CCNB2: variants seen among roughly 807,000 people sequenced by gnomAD.
The protein encoded by CCNB2 is cyclin B2, also known as G2/mitotic-specific cyclin-B2.
A neutral mutation model predicts 51.1 loss-of-function variants in CCNB2; 39 were observed. The ratio of observed to expected loss-of-function variants is 0.76; its 90% CI spans 0.59 to 1.00. CCNB2 has a LOEUF of 1.00. CCNB2 is among the 50% of genes least tolerant of loss of function. CCNB2 has a pLI of 0.00. For missense variants in CCNB2, 472 were observed against 470.3 expected (o/e 1.00, Z -0.03); for synonymous variants, 174 against 165.5 (o/e 1.05, Z -0.40).
Position 59,116,928 on chromosome 15 carries a change from T to C in CCNB2, c.834+2T>C. On this transcript the variant is annotated splice_donor_variant, in intron 6 of 8. Coordinates refer to ENST00000288207, the MANE Select transcript of CCNB2 (RefSeq NM_004701.4). LOFTEE classifies it high-confidence loss of function. Reference sequence around the variant, plus strand: ...AGGCGAGCATCAAAAGCCGGGGAGGTAAGTGCCTCCAGCTCTGTAAGAGAC... The same window carrying C: ...AGGCGAGCATCAAAAGCCGGGGAGGCAAGTGCCTCCAGCTCTGTAAGAGAC... The C allele has an allele frequency of 6.2e-7, 1 of 1,606,024 alleles. No homozygotes were observed. Among genetic ancestry groups the C allele is most frequent in the Non-Finnish European group, 8.5e-7 (1 of 1,172,820 alleles).
intron 3 of CCNB2, among the ~76,000 whole-genome samples, chr15:59,108,214 T>G (rs1453741673): frequency 6.6e-6 from 1 of 152,180 alleles, no homozygotes; most frequent in Admixed American, 6.5e-5. Context: ...AATCATGTCC[T>G]TTCGTTAAGG....
At chr15:59,105,364 C>T in intron 1 of CCNB2, 72 bp downstream of exon 1, 1 of 1,475,198 alleles carries the variant, frequency 6.8e-7, no homozygotes, top group South Asian at 1.2e-5. Context: ...CTTCTCTCAT[C>T]TGCTCCGAGC....
chr15:59,114,314 C>G (rs1381222904), intron 3 of CCNB2, 130 bp from the exon 4 acceptor site: 1 of 632,908 alleles, frequency 1.6e-6, no homozygotes, highest in Non-Finnish European at 2.7e-6. Context: ...TTATTCACCT[C>G]TTGGTATGAA....
At chr15:59,121,852 A>G (rs544860291) in intron 7 of CCNB2, among the ~76,000 whole-genome samples, 15 of 150,886 alleles carry the variant, frequency 9.9e-5, no homozygotes, top group African/African-American at 3.7e-4. Flanking sequence ...GAATTGCCTA[A>G]ACCCGGAAGG....
intron 3 of CCNB2, among the ~76,000 whole-genome samples, chr15:59,111,936 T>A (rs1291417127): frequency 6.6e-6 from 1 of 151,732 alleles, no homozygotes; most frequent in Non-Finnish European, 1.5e-5. Context: ...CACTGCAGTT[T>A]TGATCTCCTG....
chr15:59,106,825 A>C (rs955937008), intron 1 of CCNB2, among the ~76,000 whole-genome samples: 1 of 152,256 alleles, frequency 6.6e-6, no homozygotes. Context: ...ATGGCATAAG[A>C]ATCAAAGCTA....
chr15:59,105,440 C>A, intron 1 of CCNB2, 148 bp downstream of exon 1: 2 of 956,366 alleles, frequency 2.1e-6, no homozygotes, highest in Non-Finnish European at 3.1e-6. Context: ...GCGTCCCTGG[C>A]CCTGCGGCCG....
Position 59,124,837 on chromosome 15 carries a change from C to G in CCNB2, c.1157C>G (p.Ala386Gly). The G allele has an allele frequency of 6.2e-7, 1 of 1,607,032 alleles. No individual in the cohort carries two copies. The highest frequency in any genetic ancestry group is 8.5e-7 in the Non-Finnish European group (1 of 1,176,678). Reference sequence around the variant, plus strand: ...ATGATCCCTCAGCTGAACTCAAAAGCCGTCAAAGACCTTGCCTCCCCACTG... The same window carrying G: ...ATGATCCCTCAGCTGAACTCAAAAGGCGTCAAAGACCTTGCCTCCCCACTG... ...ISMIPQLNSK[A>G]VKDLASPLIG... Residue 386 changes from alanine to glycine, a missense_variant, in exon 9 of 9, where the codon GCC (alanine) becomes GGC (glycine). Coordinates refer to ENST00000288207, the MANE Select transcript of CCNB2 (RefSeq NM_004701.4).
At chr15:59,120,625 A>G (rs1196195189) in intron 7 of CCNB2, among the ~76,000 whole-genome samples, 1 of 152,224 alleles carries the variant, frequency 6.6e-6, no homozygotes, top group Non-Finnish European at 1.5e-5. Flanking sequence ...ATTTTTAAAA[A>G]TCAGAATACC....
At chr15:59,119,475 AAAC>A (rs1453866673) in intron 7 of CCNB2, among the ~76,000 whole-genome samples, 4,960 of 150,668 alleles carry the variant, frequency 0.033, 209 homozygotes, top group African/African-American at 0.088. Flanking sequence ...AAAAAAAAAA[AAAC>A]AAATCTGTAA....
chr15:59,105,246 C>T lies in CCNB2; in HGVS notation c.-23C>T. The T allele has an allele frequency of 6.4e-7, 1 of 1,560,666 alleles. No individual in the cohort carries two copies. The highest frequency in any genetic ancestry group is 8.7e-7 in the Non-Finnish European group (1 of 1,154,394). ...CGCGTCCCTCCCTGGGCCGGGCTGG[C>T]ACTCTTGCCTTCCCCGTCCCTCATG... On this transcript the variant is annotated 5_prime_UTR_variant, in exon 1 of 9. Coordinates refer to ENST00000288207, the MANE Select transcript of CCNB2 (RefSeq NM_004701.4).
intron 3 of CCNB2, among the ~76,000 whole-genome samples, chr15:59,111,084 TC>T (rs1194617244): frequency 6.6e-6 from 1 of 152,234 alleles, no homozygotes; most frequent in African/African-American, 2.4e-5. Flanking sequence ...ATGAGTAGGA[TC>T]TTAGAAAGGG....
chr15:59,119,057 G>A (rs1404824825), intron 7 of CCNB2, among the ~76,000 whole-genome samples: 1 of 152,182 alleles, frequency 6.6e-6, no homozygotes, highest in Non-Finnish European at 1.5e-5. Flanking sequence ...TTTGGGAATA[G>A]GGTGGAGGTT....
In CCNB2 at chr15:59,123,779, T is replaced by G. The variant is rs760886771; in HGVS notation, c.1086+152T>G. On this transcript the variant is annotated intron_variant, in intron 8 of 8. Transcript: ENST00000288207. ...AAATCCTTTATCCTTTATATTTTTC[T>G]GGTACAGTATGGTATGGAGCATACT... 2.6e-4 allele frequency: 162 copies of G among 613,558 alleles called. 1 individual carries two copies. The highest frequency in any genetic ancestry group is 4.4e-4 in the Non-Finnish European group (150 of 339,320). 38.0% of individuals were successfully genotyped at this position (613,558 alleles called of 1,614,324 possible). A position where few individuals can be genotyped will look rare whatever the true frequency, so the allele number is the denominator to read the frequency against.
intron 5 of CCNB2, 108 bp from the exon 6 acceptor site, chr15:59,116,582 C>A: frequency 1.6e-6 from 1 of 608,712 alleles, no homozygotes. Flanking sequence ...CCCTTATGAG[C>A]AAAGACAATG....
rs1331154994 is a variant in CCNB2, at chr15:59,107,551, T to G, written c.154-6T>G. ...TTGCGCTATTCATGTTTCTTTTTCCTTATAGAAAGCTCAGAACACCAAAGT... is the reference window on the plus strand; with the variant it reads ...TTGCGCTATTCATGTTTCTTTTTCCGTATAGAAAGCTCAGAACACCAAAGT... On this transcript the variant is annotated splice_polypyrimidine_tract_variant and splice_region_variant and intron_variant, in intron 2 of 8. Coordinates refer to ENST00000288207, the MANE Select transcript of CCNB2 (RefSeq NM_004701.4). 5.0e-6 allele frequency: 8 copies of G among 1,613,990 alleles called. No homozygotes were observed. Among genetic ancestry groups the G allele is most frequent in the Non-Finnish European group, 6.8e-6 (8 of 1,179,992 alleles).
chr15:59,112,966 G>A (rs1437188231), intron 3 of CCNB2, among the ~76,000 whole-genome samples: 32 of 151,722 alleles, frequency 2.1e-4, no homozygotes, highest in Non-Finnish European at 3.2e-4. Flanking sequence ...CCCGGGAGGC[G>A]GAGCTTGCAG....
intron 8 of CCNB2, 143 bp downstream of exon 8, chr15:59,123,770 A>T (rs2079313876): frequency 3.2e-6 from 2 of 623,396 alleles, no homozygotes; most frequent in Non-Finnish European, 5.8e-6. Context: ...TTTATCCTTT[A>T]TATTTTTCTG....
Position 59,105,207 on chromosome 15 carries a change from C to T in CCNB2, c.-62C>T. 9 of 1,512,822 alleles carry T rather than the reference C, an allele frequency of 5.9e-6. No individual in the cohort carries two copies. The highest frequency in any genetic ancestry group is 1.2e-5 in the South Asian group (1 of 83,036). 93.7% of individuals were successfully genotyped at this position (1,512,822 alleles called of 1,614,324 possible). Reference sequence around the variant, plus strand: ...TAACGGCGCCTCGTACGCTAGTGTCCTCCCTTTTCAGTCCGCGTCCCTCCC... The same window carrying T: ...TAACGGCGCCTCGTACGCTAGTGTCTTCCCTTTTCAGTCCGCGTCCCTCCC... On this transcript the variant is annotated 5_prime_UTR_variant, in exon 1 of 9. Transcript: ENST00000288207.
Sources: gnomAD v4.1 joint callset for allele counts (sites outside exome capture counted in the v4.1 genomes callset) on GRCh38, gnomAD v4.1.1 for gene constraint, MANE v1.5 for transcripts, NCBI Gene and HGNC (gene_info 2026-07-23, HGNC 2026-07-21) for gene names.